MAGI1: variants seen among roughly 807,000 people sequenced by gnomAD.
MAGI1 encodes the protein membrane associated guanylate kinase, WW and PDZ domain containing 1.
A neutral mutation model predicts 139.9 loss-of-function variants in MAGI1; 58 were observed. The observed-to-expected ratio is 0.41, with a 90% CI of 0.34 to 0.52. MAGI1 has a LOEUF of 0.52. Ranked by LOEUF, MAGI1 falls within the 20% of genes least tolerant of loss-of-function variation. The pLI is 0.12. For synonymous variants in MAGI1, 812 were observed against 737.9 expected, an observed-to-expected ratio of 1.10 and a Z score of -1.63; for missense variants, 1,874 against 1,901.6, an observed-to-expected ratio of 0.99 and a Z score of 0.27.
intron 12 of MAGI1, among the ~76,000 whole-genome samples, chr3:65,410,866 C>A (rs1245036107): frequency 5.3e-5 from 8 of 152,134 alleles, no homozygotes; most frequent in African/African-American, 1.4e-4. Context: ...GTTGACTGGC[C>A]ACAAAAACTC....
chr3:65,364,550 C>A, intron 20 of MAGI1, 115 bp downstream of exon 20: 1 of 886,524 alleles, frequency 1.1e-6, no homozygotes, highest in Non-Finnish European at 1.8e-6. Flanking sequence ...AATCACCTCA[C>A]AAAAGGTTAT....
rs146916187 is a variant in MAGI1, at chr3:65,604,375, G to C, written c.430+17597C>G. On this transcript the variant is annotated intron_variant, in intron 2 of 22. Transcript: ENST00000402939. The stretch of plus-strand genomic sequence containing the variant: ...ATATTAATATATAATGATTATTTAA[G>C]AAATAGCAAATACTGCTGGAGAAAG... Among the ~76,000 whole-genome samples, 12 of 152,160 alleles carry C rather than the reference G, an allele frequency of 7.9e-5. 1 individual carries two copies. The East Asian group carries it at 1.5e-3, about 20-fold the overall frequency.
In MAGI1 at chr3:65,517,243, A is replaced by G. The variant is rs60013273; in HGVS notation, c.431-23612T>C. On this transcript the variant is annotated intron_variant, in intron 2 of 22. Coordinates refer to ENST00000402939, the MANE Select transcript of MAGI1 (RefSeq NM_001033057.2). ...TACAACACTCTTGTCTCAGTTGGCC[A>G]CTCTTTCTCAAGACAGCCCCAGTGC... Among the ~76,000 whole-genome samples the G allele has an allele frequency of 5.8e-3, 879 of 152,026 alleles. 9 individuals are homozygous for G. Among genetic ancestry groups the G allele is most frequent in the African/African-American group, 0.018 (738 of 41,446 alleles).
chr3:65,519,741 T>C (rs1397179231), intron 2 of MAGI1, among the ~76,000 whole-genome samples: 2 of 152,176 alleles, frequency 1.3e-5, no homozygotes, highest in Non-Finnish European at 2.9e-5. Context: ...AACTCTATGA[T>C]GGACTAGAGT....
intron 1 of MAGI1, among the ~76,000 whole-genome samples, chr3:65,759,627 G>C (rs1279324202): frequency 6.6e-6 from 1 of 152,202 alleles, no homozygotes; most frequent in East Asian, 1.9e-4. Context: ...TGGAGCACAA[G>C]ACCGAACAAA....
intron 1 of MAGI1, among the ~76,000 whole-genome samples, chr3:65,775,624 G>T (rs1214561183): frequency 1.3e-5 from 2 of 151,312 alleles, no homozygotes; most frequent in East Asian, 1.9e-4. Context: ...ATTATGAAAG[G>T]TGATACTATA....
intron 1 of MAGI1, among the ~76,000 whole-genome samples, chr3:65,683,219 T>TATAAATTTATC (rs542680608): frequency 1.8e-3 from 276 of 152,072 alleles, no homozygotes; most frequent in African/African-American, 6.4e-3. Context: ...TACATGTCAT[T>TATAAATTTATC]ATAAATTTAT....
At chr3:65,411,870 G>A (rs540204544) in intron 12 of MAGI1, among the ~76,000 whole-genome samples, 3 of 152,036 alleles carry the variant, frequency 2.0e-5, no homozygotes, top group South Asian at 2.1e-4. Flanking sequence ...CACCATATCC[G>A]TCTCCAAACG....
Position 65,958,561 on chromosome 3 carries a change from T to C in MAGI1, c.313+79435A>G, listed in dbSNP as rs533429370. Among the ~76,000 whole-genome samples, 4 of 152,286 alleles carry C rather than the reference T, an allele frequency of 2.6e-5. No individual in the cohort carries two copies. The South Asian group carries it at 8.3e-4, about 32-fold the overall frequency. On this transcript the variant is annotated intron_variant, in intron 1 of 22. Coordinates refer to ENST00000402939, the MANE Select transcript of MAGI1 (RefSeq NM_001033057.2). Reference sequence around the variant, plus strand: ...GGTTCCTAAGAGAAGCTGAGGTTAGTGTGGAATTAAATATCCTTATCTGCA... The same window carrying C: ...GGTTCCTAAGAGAAGCTGAGGTTAGCGTGGAATTAAATATCCTTATCTGCA...
intron 1 of MAGI1, among the ~76,000 whole-genome samples, chr3:65,759,198 T>C (rs2036814897): frequency 6.6e-6 from 1 of 152,104 alleles, no homozygotes; most frequent in African/African-American, 2.4e-5. Context: ...TTTAGTGTTG[T>C]TCTTCTCAAT....
At chr3:65,852,625 T>A (rs1291018770) in intron 1 of MAGI1, among the ~76,000 whole-genome samples, 1 of 151,146 alleles carries the variant, frequency 6.6e-6, no homozygotes, top group Non-Finnish European at 1.5e-5. Flanking sequence ...TGCCTCAACC[T>A]CCCAAGTAGC....
At chr3:65,561,982 T>C (rs958366483) in intron 2 of MAGI1, among the ~76,000 whole-genome samples, 1 of 152,254 alleles carries the variant, frequency 6.6e-6, no homozygotes, top group African/African-American at 2.4e-5. Flanking sequence ...CCATATTCAC[T>C]ACATGTATTT....
At chr3:65,447,375 T>C (rs1212090575) in intron 7 of MAGI1, among the ~76,000 whole-genome samples, 7 of 152,126 alleles carry the variant, frequency 4.6e-5, no homozygotes, top group Non-Finnish European at 7.4e-5. Context: ...TAAACAACAA[T>C]AACTAGAGTA....
At position 65,470,358 on chromosome 3, in the gene MAGI1, G is replaced by T; in HGVS notation, c.884C>A (p.Ala295Glu). The change falls in exon 5 of 23, where the codon GCA becomes GAA. Residue 295 changes from alanine to glutamate, a missense_variant. Ala to Glu is a moderately radical substitution (Grantham distance 107). Around this residue, in one of 5 missense-constraint regions of MAGI1, gnomAD observed 648 missense variants for 598.1 expected, o/e 1.08. Transcript: ENST00000402939. The part of the protein sequence containing the change: ...QKFPQYLPLS[A>E]EDNLGPLPEN... ...AGGTAGAGGACCTAAATTATCCTCT[G>T]CAGAAAGAGGTAGGTATTGAGGGAA... The T allele has an allele frequency of 6.2e-7, 1 of 1,613,288 alleles. No homozygotes were observed. The highest frequency in any genetic ancestry group is 8.5e-7 in the Non-Finnish European group (1 of 1,179,326).
At chr3:65,720,858 T>TC (rs1370880151) in intron 1 of MAGI1, among the ~76,000 whole-genome samples, 1 of 152,070 alleles carries the variant, frequency 6.6e-6, no homozygotes, top group East Asian at 1.9e-4. Context: ...CAAGAGAACC[T>TC]CCCACCTCAG....
intron 1 of MAGI1, among the ~76,000 whole-genome samples, chr3:65,885,586 T>C (rs954970338): frequency 6.6e-6 from 1 of 151,942 alleles, no homozygotes; most frequent in Non-Finnish European, 1.5e-5. Context: ...ACCTTAATCA[T>C]GGGGGTGGGT....
chr3:65,580,768 T>A (rs1190833927), intron 2 of MAGI1, among the ~76,000 whole-genome samples: 1 of 152,202 alleles, frequency 6.6e-6, no homozygotes, highest in African/African-American at 2.4e-5. Context: ...TCTATAAGAA[T>A]CACAGATTTT....
chr3:66,002,906 T>G (rs184872436), intron 1 of MAGI1, among the ~76,000 whole-genome samples: 2 of 152,326 alleles, frequency 1.3e-5, no homozygotes, highest in East Asian at 3.9e-4. Context: ...AAGGGCCATT[T>G]GTCCAGACAG....
intron 2 of MAGI1, among the ~76,000 whole-genome samples, chr3:65,601,439 C>G (rs149245516): frequency 6.6e-6 from 1 of 151,862 alleles, no homozygotes; most frequent in Non-Finnish European, 1.5e-5. Context: ...GAAATTATAG[C>G]CTTAAATGCA....
Sources: gnomAD v4.1 joint callset for allele counts (sites outside exome capture counted in the v4.1 genomes callset) on GRCh38, gnomAD v4.1.1 for gene constraint, gnomAD v4.1.1 regional missense constraint, MANE v1.5 for transcripts, NCBI Gene and HGNC (gene_info 2026-07-23, HGNC 2026-07-21) for gene names.